Variants in RFX4 observed in about 807,000 individuals in gnomAD.
RFX4 encodes transcription factor RFX4.
A neutral mutation model predicts 95.0 loss-of-function variants in RFX4; 10 were observed. The ratio of observed to expected loss-of-function variants is 0.11; its 90% CI spans 0.06 to 0.18. The LOEUF (loss-of-function observed/expected upper bound fraction) is 0.18, where lower values mean the gene tolerates loss of function less well. Among genes scored for constraint, RFX4 ranks in the 10% least tolerant of loss-of-function variants. The pLI is 1.00. For missense variants in RFX4, 640 were observed against 922.0 expected, an observed-to-expected ratio of 0.69 and a Z score of 3.96; for synonymous variants, 321 against 340.7, an observed-to-expected ratio of 0.94 and a Z score of 0.64.
chr12:106,590,657 A>G (rs2039526102), intron 1 of RFX4, among the ~76,000 whole-genome samples: 1 of 152,234 alleles, frequency 6.6e-6, no homozygotes, highest in African/African-American at 2.4e-5. Flanking sequence ...CAGAGAAAGG[A>G]TATAATGGCC....
Position 106,750,777 on chromosome 12 carries a change from A to G in RFX4, c.1919A>G (p.His640Arg). Reference sequence around the variant, plus strand: ...GGGCCACTCCACTATGCCCCTTACCACAGGAGCTCTGCACAGGTGAGTCAG... The same window carrying G: ...GGGCCACTCCACTATGCCCCTTACCGCAGGAGCTCTGCACAGGTGAGTCAG... Reference protein sequence around the residue: ...ISGPLHYAPYHRSSAQYPFNS... With the variant: ...ISGPLHYAPYRRSSAQYPFNS... Residue 640 changes from histidine (H) to arginine (R), a missense_variant, in exon 17 of 18, where the codon CAC becomes CGC. His to Arg is a conservative substitution (Grantham distance 29). Around this residue, in one of 7 missense-constraint regions of RFX4, gnomAD observed 300 missense variants for 346.8 expected, o/e 0.87. Transcript: ENST00000392842. 6.3e-7 allele frequency: 1 copy of G among 1,599,594 alleles called. No individual in the cohort carries two copies. Among genetic ancestry groups the G allele is most frequent in the Non-Finnish European group, 8.5e-7 (1 of 1,174,936 alleles).
intron 13 of RFX4, among the ~76,000 whole-genome samples, chr12:106,726,254 A>G (rs1276361875): frequency 2.0e-5 from 3 of 151,708 alleles, no homozygotes; most frequent in African/African-American, 4.8e-5. Context: ...TCTAAAAAAA[A>G]AAAAAAGAAA....
At chr12:106,667,134 AT>A (rs1565971452) in intron 4 of RFX4, among the ~76,000 whole-genome samples, 1 of 151,584 alleles carries the variant, frequency 6.6e-6, no homozygotes. Context: ...GTGTTTCTCC[AT>A]TTTTTCCCTC....
intron 4 of RFX4, among the ~76,000 whole-genome samples, chr12:106,668,414 C>T (rs574069033): frequency 2.6e-5 from 4 of 152,142 alleles, no homozygotes; most frequent in East Asian, 3.9e-4. Flanking sequence ...AAATGTGGTC[C>T]ACTCTATCCT....
chr12:106,682,148 C>A, intron 5 of RFX4, 94 bp downstream of exon 5: 2 of 1,280,488 alleles, frequency 1.6e-6, no homozygotes, highest in Non-Finnish European at 2.3e-6. Flanking sequence ...GCTCTGTCTG[C>A]AGGCCTGGCA....
At chr12:106,746,736 A>C (rs2042902998) in intron 15 of RFX4, among the ~76,000 whole-genome samples, 1 of 152,186 alleles carries the variant, frequency 6.6e-6, no homozygotes, top group Admixed American at 6.5e-5. Flanking sequence ...AGAGCCCAGT[A>C]ATCTACTTAT....
intron 4 of RFX4, among the ~76,000 whole-genome samples, chr12:106,660,483 C>G (rs2041049460): frequency 6.6e-6 from 1 of 151,888 alleles, no homozygotes. Context: ...TTCAGAAACT[C>G]TAATAAAACA....
intron 4 of RFX4, chr12:106,662,106 T>C (rs1306637107): frequency 2.3e-5 from 7 of 310,426 alleles, no homozygotes; most frequent in Non-Finnish European, 3.9e-5. Flanking sequence ...GATTGTATGG[T>C]AAGAGTTTAT....
chr12:106,620,366 G>A (rs764750339), intron 2 of RFX4, among the ~76,000 whole-genome samples: 4 of 152,108 alleles, frequency 2.6e-5, no homozygotes, highest in Non-Finnish European at 5.9e-5. Flanking sequence ...GGCCACTGGG[G>A]GTGACATCAC....
intron 1 of RFX4, among the ~76,000 whole-genome samples, chr12:106,603,605 T>G (rs957866626): frequency 2.6e-5 from 4 of 152,212 alleles, no homozygotes; most frequent in African/African-American, 9.6e-5. Flanking sequence ...TAGCACAAGC[T>G]TGGTCCTTAC....
chr12:106,730,860 C>G (rs1379051586), intron 13 of RFX4, among the ~76,000 whole-genome samples: 1 of 152,130 alleles, frequency 6.6e-6, no homozygotes, highest in East Asian at 1.9e-4. Context: ...CTTAGCCAGG[C>G]ATGGTGGCAC....
chr12:106,593,264 G>T (rs1281256305), intron 1 of RFX4, among the ~76,000 whole-genome samples: 2 of 152,204 alleles, frequency 1.3e-5, no homozygotes, highest in Non-Finnish European at 2.9e-5. Flanking sequence ...ACCCGGTGAA[G>T]GTTAGTTAGC....
chr12:106,601,440 G>C, intron 1 of RFX4: 3 of 1,294,046 alleles, frequency 2.3e-6, no homozygotes. Flanking sequence ...TGTGAGTGTG[G>C]CATGTCAACT....
intron 1 of RFX4, 146 bp from the exon 2 acceptor site, chr12:106,608,651 A>G (rs1185591655): frequency 1.8e-5 from 14 of 767,384 alleles, no homozygotes; most frequent in African/African-American, 5.3e-5. Context: ...TCCCATTCCA[A>G]TCTGGGCAGA....
intron 4 of RFX4, among the ~76,000 whole-genome samples, chr12:106,669,839 GGTGTGTGT>G (rs60975691): frequency 1.2e-4 from 17 of 143,254 alleles, no homozygotes; most frequent in South Asian, 2.4e-4. Context: ...TTTTTCTAGG[GGTGTGTGT>G]GTGTGTGTGT....
At chr12:106,655,585 T>A (rs1282965681) in intron 4 of RFX4, among the ~76,000 whole-genome samples, 1 of 152,128 alleles carries the variant, frequency 6.6e-6, no homozygotes. Context: ...GAGTTTGCGG[T>A]CCTGGAATAT....
chr12:106,676,843 G>A (rs1206384634), intron 4 of RFX4, among the ~76,000 whole-genome samples: 1 of 152,170 alleles, frequency 6.6e-6, no homozygotes, highest in East Asian at 1.9e-4. Context: ...GTAAATGTAG[G>A]AATATGACAT....
intron 1 of RFX4, among the ~76,000 whole-genome samples, chr12:106,584,891 G>C (rs2039431426): frequency 6.6e-6 from 1 of 152,160 alleles, no homozygotes. Flanking sequence ...TCCTATACTC[G>C]ATGACAAACG....
Position 106,583,320 on chromosome 12 carries a change from C to A in RFX4, c.-1C>A. On this transcript the variant is annotated 5_prime_UTR_variant, in exon 1 of 18. Coordinates refer to ENST00000392842, the MANE Select transcript of RFX4 (RefSeq NM_213594.3). Reference sequence around the variant, plus strand: ...GCGCCTGTGCTGTCCATGGGAAGAGCATGCATTGTGGGTTACTGGAGGAAC... The same window carrying A: ...GCGCCTGTGCTGTCCATGGGAAGAGAATGCATTGTGGGTTACTGGAGGAAC... The A allele has an allele frequency of 6.3e-7, 1 of 1,588,444 alleles. No homozygotes were observed. Among genetic ancestry groups the A allele is most frequent in the South Asian group, 1.2e-5 (1 of 86,718 alleles).
Sources: allele counts gnomAD v4.1 joint callset (sites outside exome capture counted in the v4.1 genomes callset), GRCh38; gene constraint gnomAD v4.1.1; regional missense constraint gnomAD v4.1.1; transcripts MANE v1.5; gene names NCBI Gene and HGNC (gene_info 2026-07-23, HGNC 2026-07-21).